Variants in IQCH observed in about 807,000 individuals in gnomAD.
IQCH encodes the protein IQ domain-containing protein H.
IQCH carries 98 observed loss-of-function variants against 117.0 expected under a neutral mutation model. That is an observed-to-expected ratio of 0.84 (90% CI 0.71 to 0.99). IQCH has a LOEUF of 0.99. Among genes scored for constraint, IQCH ranks in the 50% least tolerant of loss-of-function variants. The pLI, the probability that IQCH is intolerant of heterozygous loss-of-function variation, is 0.00. For missense variants in IQCH, 1,102 were observed against 1,243.8 expected, an observed-to-expected ratio of 0.89 and a Z score of 1.72; for synonymous variants, 412 against 448.2, an observed-to-expected ratio of 0.92 and a Z score of 1.02.
chr15:67,320,207 G>A (rs1374753261), intron 4 of IQCH, among the ~76,000 whole-genome samples: 1 of 152,234 alleles, frequency 6.6e-6, no homozygotes, highest in East Asian at 1.9e-4. Context: ...CCCAACTGCT[G>A]GGATGAGGTA....
At chr15:67,283,155 CTTG>C (rs1966431205) in intron 4 of IQCH, among the ~76,000 whole-genome samples, 1 of 152,168 alleles carries the variant, frequency 6.6e-6, no homozygotes, top group Non-Finnish European at 1.5e-5. Context: ...GTAATACATG[CTTG>C]TTGTTGTGAC....
At position 67,384,515 on chromosome 15, in the gene IQCH, T is replaced by A. The variant is rs1265379603; in HGVS notation, c.1373-421T>A. Among the ~76,000 whole-genome samples the A allele has an allele frequency of 6.6e-6, 1 of 152,124 alleles. No homozygotes were observed. Among genetic ancestry groups the A allele is most frequent in the Non-Finnish European group, 1.5e-5 (1 of 68,000 alleles). ...AAGGGATTTATCTGAAATCTATGTG[T>A]CACTTTAGAATGATTCTGGAACACA... On this transcript the variant is annotated intron_variant, in intron 10 of 20. Coordinates refer to ENST00000335894, the MANE Select transcript of IQCH (RefSeq NM_001031715.3). The surrounding 1 kb of genome is among the most constrained non-coding windows in gnomAD (Gnocchi z 4.3).
intron 16 of IQCH, among the ~76,000 whole-genome samples, chr15:67,464,370 T>C (rs2082879345): frequency 6.6e-6 from 1 of 152,224 alleles, no homozygotes. Flanking sequence ...CAGTAAATAT[T>C]TGTCAAACGA....
Position 67,344,115 on chromosome 15 carries a change from C to T in IQCH, c.561C>T (p.Thr187=). 6.2e-7 allele frequency: 1 copy of T among 1,613,150 alleles called. No homozygotes were observed. The highest frequency in any genetic ancestry group is 1.7e-5 in the Admixed American group (1 of 59,996). The part of the protein sequence containing the change: ...RGLIPPTARI[T]FQNPPITPRA... The stretch of plus-strand genomic sequence containing the variant: ...TGATTCCACCAACAGCAAGGATTAC[C>T]TTTCAGAATCCACCCATTACACCCA... The change falls in exon 6 of 21, where the codon ACC becomes ACT. Residue 187 remains threonine, a synonymous_variant. Coordinates refer to ENST00000335894, the MANE Select transcript of IQCH (RefSeq NM_001031715.3).
At chr15:67,295,702 A>AGTC (rs1966848364) in intron 4 of IQCH, among the ~76,000 whole-genome samples, 1 of 152,220 alleles carries the variant, frequency 6.6e-6, no homozygotes, top group Non-Finnish European at 1.5e-5. Flanking sequence ...TTTTGGTCAC[A>AGTC]TATAGACAAA....
At chr15:67,264,141 A>C (rs899043262) in intron 3 of IQCH, among the ~76,000 whole-genome samples, 4 of 152,264 alleles carry the variant, frequency 2.6e-5, no homozygotes, top group Non-Finnish European at 5.9e-5. Context: ...GCAGTGCCAC[A>C]GGCATCCATC....
chr15:67,358,128 G>C (rs187703351), intron 7 of IQCH, among the ~76,000 whole-genome samples: 19 of 145,504 alleles, frequency 1.3e-4, no homozygotes, highest in Non-Finnish European at 1.9e-4. Context: ...CAAAGCGCTG[G>C]GATTATAGGC....
At chr15:67,289,572 T>C (rs1283015971) in intron 4 of IQCH, among the ~76,000 whole-genome samples, 1 of 152,084 alleles carries the variant, frequency 6.6e-6, no homozygotes, top group Non-Finnish European at 1.5e-5. Flanking sequence ...GAGGTGATGA[T>C]TGGAGTAGGC....
chr15:67,344,331 T>TC, intron 6 of IQCH, 140 bp downstream of exon 6: 1 of 603,418 alleles, frequency 1.7e-6, no homozygotes, highest in Non-Finnish European at 2.8e-6. Context: ...TTCACTACAT[T>TC]CCCACAGTCA....
At chr15:67,499,297 CAAAAAAAA>C (rs59618730) in intron 20 of IQCH, among the ~76,000 whole-genome samples, 2 of 49,146 alleles carry the variant, frequency 4.1e-5, no homozygotes, top group African/African-American at 1.7e-4. Context: ...AGACCTGTCC[CAAAAAAAA>C]AAAAAAAAAA....
intron 4 of IQCH, among the ~76,000 whole-genome samples, chr15:67,325,765 A>T (rs1179779272): frequency 6.6e-6 from 1 of 152,036 alleles, no homozygotes; most frequent in Non-Finnish European, 1.5e-5. Flanking sequence ...TTTATATTTT[A>T]TTTTTGATTT....
At chr15:67,434,150 A>G (rs1014921511) in intron 16 of IQCH, among the ~76,000 whole-genome samples, 4 of 152,312 alleles carry the variant, frequency 2.6e-5, no homozygotes, top group African/African-American at 7.2e-5. Context: ...GTTATTAACT[A>G]TAGTCACCAT....
In IQCH at chr15:67,359,856, A is replaced by T. The variant is rs1567125774; in HGVS notation, c.724A>T (p.Arg242Ter). ...TCATTCTTCATTGTAGGGGAAAAGC[A>T]GAAGGTCAAGAGGACATCATGATAG... ...PKKQRSKGKS[R>*]RSRGHHDRKA... Residue 242 changes from arginine to a stop codon, truncating the protein, a stop_gained, in exon 8 of 21, where the codon AGA (arginine) becomes TGA (stop). Coordinates refer to ENST00000335894, the MANE Select transcript of IQCH (RefSeq NM_001031715.3). LOFTEE classifies it high-confidence loss of function. The surrounding 1 kb of genome is among the most constrained non-coding windows in gnomAD (Gnocchi z 4.5). 3.7e-6 allele frequency: 6 copies of T among 1,613,218 alleles called. No homozygotes were observed. The highest frequency in any genetic ancestry group is 5.1e-6 in the Non-Finnish European group (6 of 1,179,194).
At chr15:67,444,126 T>C (rs1204718295) in intron 16 of IQCH, among the ~76,000 whole-genome samples, 1 of 152,230 alleles carries the variant, frequency 6.6e-6, no homozygotes, top group Non-Finnish European at 1.5e-5. Flanking sequence ...ATGTTTCTCT[T>C]ATATGTCCTC....
rs1971071896 is a variant in IQCH, at chr15:67,385,197, A to AT, written c.1456+178_1456+179insT. 6.6e-6 allele frequency among the ~76,000 whole-genome samples: 1 copy of AT among 152,196 alleles called. No individual in the cohort carries two copies. ...GTTTTATTTTAAAAAACATATTTGT[A>AT]GTAAAATCAACTTGAATAAAAAATG... is the stretch of plus-strand genomic sequence containing the variant. On this transcript the variant is annotated intron_variant, in intron 11 of 20. Transcript: ENST00000335894. The surrounding 1 kb of genome is among the most constrained non-coding windows in gnomAD (Gnocchi z 4.6).
At position 67,447,787 on chromosome 15, in the gene IQCH, A is replaced by G. The variant is rs951404053; in HGVS notation, c.2506-17340A>G. Among the ~76,000 whole-genome samples the G allele has an allele frequency of 2.0e-5, 3 of 152,170 alleles. No individual in the cohort carries two copies. Among genetic ancestry groups the G allele is most frequent in the African/African-American group, 7.2e-5 (3 of 41,434 alleles). ...TCAGTCCAGGAGCTGATACAAAGTA[A>G]AAGCCTGCTGTGGTGAGTCCAAGCA... On this transcript the variant is annotated intron_variant, in intron 16 of 20. Coordinates refer to ENST00000335894, the MANE Select transcript of IQCH (RefSeq NM_001031715.3). The surrounding 1 kb of genome is among the most constrained non-coding windows in gnomAD (Gnocchi z 5.3).
Position 67,465,712 on chromosome 15 carries a change from C to A in IQCH, c.2676+415C>A, listed in dbSNP as rs1191046341. Among the ~76,000 whole-genome samples, 1 of 152,136 alleles carries A rather than the reference C, an allele frequency of 6.6e-6. No individual in the cohort carries two copies. On this transcript the variant is annotated intron_variant, in intron 17 of 20. Coordinates refer to ENST00000335894, the MANE Select transcript of IQCH (RefSeq NM_001031715.3). The surrounding 1 kb of genome is among the most constrained non-coding windows in gnomAD (Gnocchi z 5.9). ...AGTCAAGCTATCCAAAACTGCATCACATTTGTCTTTCTTCCTCCTGTACTT... is the reference window on the plus strand; with the variant it reads ...AGTCAAGCTATCCAAAACTGCATCAAATTTGTCTTTCTTCCTCCTGTACTT...
chr15:67,474,182 G>A lies in IQCH; in HGVS notation c.2677-1514G>A, dbSNP rs911698581. On this transcript the variant is annotated intron_variant, in intron 17 of 20. Coordinates refer to ENST00000335894, the MANE Select transcript of IQCH (RefSeq NM_001031715.3). This position sits in a 1 kb window ranked among gnomAD's most constrained non-coding sequence, Gnocchi z 4.1. ...ACTCAGTCAGCCCCAGTTCCCTTGCGTTATCTCAGAGACAGGAGGCGAGCC... is the reference window on the plus strand; with the variant it reads ...ACTCAGTCAGCCCCAGTTCCCTTGCATTATCTCAGAGACAGGAGGCGAGCC... Among the ~76,000 whole-genome samples, 16 of 151,886 alleles carry A rather than the reference G, an allele frequency of 1.1e-4. No homozygotes were observed. The highest frequency in any genetic ancestry group is 7.4e-5 in the Non-Finnish European group (5 of 67,978).
At chr15:67,306,381 G>T (rs1158834075) in intron 4 of IQCH, among the ~76,000 whole-genome samples, 7 of 152,110 alleles carry the variant, frequency 4.6e-5, no homozygotes, top group Non-Finnish European at 8.8e-5. Context: ...CATCATCAAA[G>T]CTAATCATTT....
Sources: allele counts gnomAD v4.1 joint callset (sites outside exome capture counted in the v4.1 genomes callset), GRCh38; gene constraint gnomAD v4.1.1; non-coding constraint Gnocchi (gnomAD v3.1); transcripts MANE v1.5; gene names NCBI Gene and HGNC (gene_info 2026-07-23, HGNC 2026-07-21).